SNTB1: variants seen among roughly 807,000 people sequenced by gnomAD.
The protein encoded by SNTB1 is beta-1-syntrophin.
In SNTB1, 36 loss-of-function variants were observed where a neutral mutation model predicts 48.9. The ratio of observed to expected loss-of-function variants is 0.74; its 90% confidence interval spans 0.56 to 0.97. The LOEUF (loss-of-function observed/expected upper bound fraction) is 0.97. SNTB1 is among the 50% of genes least tolerant of loss of function. The probability of loss-of-function intolerance (pLI) is 0.00; values close to 1 mark genes in which losing one functional copy is unlikely to be tolerated. For synonymous variants in SNTB1, 299 were observed against 294.6 expected (o/e 1.01, Z -0.15); for missense variants, 786 against 703.4 (o/e 1.12, Z -1.33).
At chr8:120,749,992 C>T (rs1819184081) in intron 1 of SNTB1, among the ~76,000 whole-genome samples, 1 of 152,110 alleles carries the variant, frequency 6.6e-6, no homozygotes. Flanking sequence ...AAATTTCCAC[C>T]TGCAAATTTT....
At chr8:120,651,059 G>A (rs1173184462) in intron 2 of SNTB1, among the ~76,000 whole-genome samples, 2 of 152,190 alleles carry the variant, frequency 1.3e-5, no homozygotes, top group African/African-American at 2.4e-5. Context: ...TGCATGAGAT[G>A]TCACAGTGCC....
chr8:120,740,948 A>G (rs1412571641), intron 1 of SNTB1, among the ~76,000 whole-genome samples: 1 of 152,244 alleles, frequency 6.6e-6, no homozygotes, highest in Non-Finnish European at 1.5e-5. Context: ...ACTGAAGCCC[A>G]GAGAGCTTAA....
chr8:120,546,210 G>A (rs1185598221), intron 5 of SNTB1, among the ~76,000 whole-genome samples: 13 of 152,208 alleles, frequency 8.5e-5, no homozygotes, highest in Admixed American at 8.5e-4. Context: ...TAGCCACTAT[G>A]ACACCTGATG....
chr8:120,571,151 A>G (rs1815835476), intron 4 of SNTB1: 3 of 1,173,354 alleles, frequency 2.6e-6, no homozygotes, highest in Non-Finnish European at 3.2e-6. Flanking sequence ...AACTGTGAGA[A>G]CAAGGCTATG....
intron 1 of SNTB1, among the ~76,000 whole-genome samples, chr8:120,698,271 A>C (rs1294085786): frequency 3.3e-5 from 5 of 152,150 alleles, no homozygotes; most frequent in Non-Finnish European, 5.9e-5. Context: ...TCTGCTTTTC[A>C]CTAGTATTGG....
intron 3 of SNTB1, among the ~76,000 whole-genome samples, chr8:120,576,777 T>C: frequency 6.6e-6 from 1 of 152,172 alleles, no homozygotes; most frequent in East Asian, 1.9e-4. Flanking sequence ...TGAGAAATAA[T>C]AGTACCTATA....
intron 2 of SNTB1, among the ~76,000 whole-genome samples, chr8:120,633,285 G>C (rs1378656540): frequency 6.6e-6 from 1 of 152,144 alleles, no homozygotes; most frequent in East Asian, 1.9e-4. Context: ...GGTAACAATG[G>C]GGAGAGAGAT....
At chr8:120,571,767 G>T (rs142787160) in intron 4 of SNTB1, among the ~76,000 whole-genome samples, 1 of 152,068 alleles carries the variant, frequency 6.6e-6, no homozygotes, top group African/African-American at 2.4e-5. Flanking sequence ...CCAGAGTGCT[G>T]GGATTACAGG....
At chr8:120,568,324 C>T (rs536645301) in intron 4 of SNTB1, among the ~76,000 whole-genome samples, 1 of 152,288 alleles carries the variant, frequency 6.6e-6, no homozygotes, top group South Asian at 2.1e-4. Flanking sequence ...AAAGGGGCTA[C>T]ATCTCCCTGG....
intron 3 of SNTB1, among the ~76,000 whole-genome samples, chr8:120,581,535 C>G (rs1157415911): frequency 6.6e-6 from 1 of 151,406 alleles, no homozygotes; most frequent in African/African-American, 2.4e-5. Flanking sequence ...ACCTGGGAGG[C>G]GGAGGTTGCA....
intron 1 of SNTB1, among the ~76,000 whole-genome samples, chr8:120,741,430 A>G (rs4242321): frequency 0.32 from 49,193 of 151,988 alleles, 9,904 homozygotes; most frequent in East Asian, 0.69. Flanking sequence ...CCAACATGGC[A>G]AAATGCTGTC....
At chr8:120,629,037 G>A (rs77111292) in intron 3 of SNTB1, among the ~76,000 whole-genome samples, 576 of 152,170 alleles carry the variant, frequency 3.8e-3, no homozygotes, top group African/African-American at 0.013. Context: ...TGTCAGGTCC[G>A]CTTGTCACTT....
In SNTB1 at chr8:120,797,940, T is replaced by C. The variant is rs180722808; in HGVS notation, c.571+13333A>G. Among the ~76,000 whole-genome samples, 4 of 152,086 alleles carry C rather than the reference T, an allele frequency of 2.6e-5. No individual in the cohort carries two copies. The East Asian group carries it at 7.8e-4, about 30-fold the overall frequency. On this transcript the variant is annotated intron_variant, in intron 1 of 6. Transcript: ENST00000517992. ...TTTTGATCGTCACTCTGTGGCTCAG[T>C]AGTTCTCTTGTCACACAAGAATAGT... is the stretch of plus-strand genomic sequence containing the variant.
At chr8:120,765,870 T>C (rs1191687126) in intron 1 of SNTB1, 1 of 152,112 alleles carries the variant, frequency 6.6e-6, no homozygotes, top group Non-Finnish European at 1.5e-5. Context: ...CTAAGGTTGG[T>C]TGAACTGAAG....
At chr8:120,596,145 T>TC (rs1395683631) in intron 3 of SNTB1, among the ~76,000 whole-genome samples, 2 of 152,210 alleles carry the variant, frequency 1.3e-5, no homozygotes, top group Non-Finnish European at 2.9e-5. Flanking sequence ...GTGGATGGTT[T>TC]CACAAGCTTC....
chr8:120,570,650 A>G (rs72680552), intron 4 of SNTB1: 31,863 of 152,350 alleles, frequency 0.21, 3,501 homozygotes, highest in Middle Eastern at 0.31. Flanking sequence ...CAGAATGGAT[A>G]CACACGTTGT....
chr8:120,644,126 T>C (rs551228385), intron 2 of SNTB1, among the ~76,000 whole-genome samples: 1 of 152,026 alleles, frequency 6.6e-6, no homozygotes, highest in Non-Finnish European at 1.5e-5. Context: ...TAGCCTATGA[T>C]GATCTTGCAG....
chr8:120,611,355 G>GAA (rs35679295), intron 3 of SNTB1, among the ~76,000 whole-genome samples: 73 of 151,964 alleles, frequency 4.8e-4, no homozygotes, highest in African/African-American at 1.2e-3. Context: ...AGAAGCTCTG[G>GAA]AAAAAAAATC....
intron 2 of SNTB1, among the ~76,000 whole-genome samples, chr8:120,652,958 T>C (rs932156801): frequency 1.3e-5 from 2 of 152,140 alleles, no homozygotes; most frequent in Non-Finnish European, 2.9e-5. Flanking sequence ...CCAGTAAATC[T>C]CTTGGGTTAC....
Sources: allele counts gnomAD v4.1 joint callset (sites outside exome capture counted in the v4.1 genomes callset), GRCh38; gene constraint gnomAD v4.1.1; transcripts MANE v1.5; gene names NCBI Gene and HGNC (gene_info 2026-07-23, HGNC 2026-07-21).